Variants in PTPRT observed in about 807,000 individuals in gnomAD.
PTPRT encodes receptor-type tyrosine-protein phosphatase T.
A neutral mutation model predicts 176.8 loss-of-function variants in PTPRT; 56 were observed. The ratio of observed to expected loss-of-function variants is 0.32; its 90% CI spans 0.26 to 0.40. PTPRT has a LOEUF of 0.40. PTPRT is among the 10% of genes least tolerant of loss of function. PTPRT has a pLI of 1.00. For synonymous variants in PTPRT, 783 were observed against 739.0 expected, an observed-to-expected ratio of 1.06 and a Z score of -0.96; for missense variants, 1,540 against 1,908.2, an observed-to-expected ratio of 0.81 and a Z score of 3.60.
intron 7 of PTPRT, among the ~76,000 whole-genome samples, chr20:42,552,508 A>C (rs945277175): frequency 2.0e-5 from 3 of 152,320 alleles, no homozygotes; most frequent in Admixed American, 6.5e-5. Context: ...AGCAAACAAA[A>C]ATGACACCAC....
intron 9 of PTPRT, among the ~76,000 whole-genome samples, chr20:42,421,245 T>TACACACACACGCACGC (rs1454243345): frequency 6.8e-6 from 1 of 147,368 alleles, no homozygotes; most frequent in Non-Finnish European, 1.5e-5. Context: ...CCCCCTAACA[T>TACACACACACGCACGC]ACACACACAC....
intron 6 of PTPRT, among the ~76,000 whole-genome samples, chr20:42,745,603 G>T (rs1235725127): frequency 6.6e-6 from 1 of 152,144 alleles, no homozygotes; most frequent in African/African-American, 2.4e-5. Context: ...GATAAATTAG[G>T]CTCCAGTGAC....
chr20:42,852,455 A>AT (rs892613782), intron 2 of PTPRT, among the ~76,000 whole-genome samples: 36 of 151,576 alleles, frequency 2.4e-4, no homozygotes, highest in South Asian at 2.1e-4. Flanking sequence ...AAACCTGCTA[A>AT]TTTTTTTTTA....
intron 7 of PTPRT, among the ~76,000 whole-genome samples, chr20:42,506,078 C>A (rs1014181732): frequency 8.5e-5 from 13 of 152,094 alleles, no homozygotes; most frequent in Admixed American, 3.3e-4. Context: ...AAACCAGGCT[C>A]AATGGGAAGA....
chr20:42,550,998 G>C (rs951630815), intron 7 of PTPRT, among the ~76,000 whole-genome samples: 3 of 151,992 alleles, frequency 2.0e-5, no homozygotes, highest in Non-Finnish European at 4.4e-5. Flanking sequence ...TGTATAACTG[G>C]GTAATGTACT....
At chr20:42,642,157 A>G (rs565133124) in intron 7 of PTPRT, among the ~76,000 whole-genome samples, 2 of 152,292 alleles carry the variant, frequency 1.3e-5, no homozygotes, top group East Asian at 3.9e-4. Context: ...CAAGGCTGCC[A>G]CTAAGAAGAG....
At chr20:42,236,776 T>C (rs542688148) in intron 14 of PTPRT, among the ~76,000 whole-genome samples, 118 of 152,100 alleles carry the variant, frequency 7.8e-4, no homozygotes, top group African/African-American at 2.7e-3. Context: ...AGTAAGGTCA[T>C]ACCCAAAGCA....
intron 7 of PTPRT, among the ~76,000 whole-genome samples, chr20:42,594,315 A>G (rs2073631486): frequency 1.3e-5 from 2 of 152,172 alleles, no homozygotes; most frequent in South Asian, 4.1e-4. Context: ...AACAGACTCA[A>G]GACATGAAAA....
At chr20:42,730,354 T>C (rs962725518) in intron 6 of PTPRT, among the ~76,000 whole-genome samples, 1 of 152,110 alleles carries the variant, frequency 6.6e-6, no homozygotes, top group Non-Finnish European at 1.5e-5. Flanking sequence ...ACATAGCTGA[T>C]CAGCCATGGG....
At chr20:43,182,978 T>C (rs2015302424) in intron 1 of PTPRT, among the ~76,000 whole-genome samples, 1 of 152,192 alleles carries the variant, frequency 6.6e-6, no homozygotes, top group Non-Finnish European at 1.5e-5. Context: ...CACAAATCCA[T>C]ACCCTACCAA....
chr20:42,488,060 A>G (rs73273321), intron 7 of PTPRT, among the ~76,000 whole-genome samples: 1,722 of 152,254 alleles, frequency 0.011, 33 homozygotes, highest in African/African-American at 0.04. Context: ...ACATCCACCC[A>G]GGCTGCTGTG....
intron 7 of PTPRT, among the ~76,000 whole-genome samples, chr20:42,651,183 A>C (rs2075023692): frequency 6.6e-6 from 1 of 152,178 alleles, no homozygotes; most frequent in African/African-American, 2.4e-5. Flanking sequence ...GAAAAAGATA[A>C]ATGCCTTTAC....
intron 16 of PTPRT, among the ~76,000 whole-genome samples, chr20:42,173,641 T>C (rs1477214281): frequency 6.6e-6 from 1 of 152,100 alleles, no homozygotes; most frequent in African/African-American, 2.4e-5. Context: ...AGATGTTTAG[T>C]AGTGATAGGG....
In PTPRT at chr20:42,350,685, G is replaced by T; in HGVS notation, c.1808C>A (p.Thr603Lys). The change falls in exon 11 of 31, where the codon ACA becomes AAA. Residue 603 changes from threonine to lysine, a missense_variant. This residue lies in a region of PTPRT where 4 missense variants were observed against 19.5 expected (regional missense o/e 0.21). Transcript: ENST00000373187. ...CAGCATCACTGTGATGGTCGTGTCT[G>T]TCTCATTCAATGGGGTGTCTGTGTC... Reference protein sequence around the residue: ...EYDTDTPLNETDTTITVMLKP... With the variant: ...EYDTDTPLNEKDTTITVMLKP... The T allele has an allele frequency of 6.2e-7, 1 of 1,613,930 alleles. No homozygotes were observed. The highest frequency in any genetic ancestry group is 8.5e-7 in the Non-Finnish European group (1 of 1,179,798).
intron 2 of PTPRT, among the ~76,000 whole-genome samples, chr20:42,880,500 G>C (rs749696641): frequency 2.6e-5 from 4 of 152,144 alleles, no homozygotes; most frequent in Non-Finnish European, 4.4e-5. Context: ...ACTACCTCTG[G>C]CTTCAGCCCT....
At chr20:42,728,484 C>G (rs1029416602) in intron 6 of PTPRT, among the ~76,000 whole-genome samples, 2 of 152,166 alleles carry the variant, frequency 1.3e-5, no homozygotes, top group Non-Finnish European at 2.9e-5. Context: ...GAAACCCAGT[C>G]TCTGAAGCCA....
intron 1 of PTPRT, among the ~76,000 whole-genome samples, chr20:43,129,895 G>C (rs6103159): frequency 6.6e-6 from 1 of 152,128 alleles, no homozygotes. Context: ...TGGGATTACA[G>C]GCGTGAGCCA....
chr20:42,270,879 G>T (rs1275182404), intron 13 of PTPRT, among the ~76,000 whole-genome samples: 19 of 151,960 alleles, frequency 1.3e-4, no homozygotes, highest in Admixed American at 1.2e-3. Flanking sequence ...TTTTTCTGAT[G>T]TCCCTCTTAT....
intron 9 of PTPRT, among the ~76,000 whole-genome samples, chr20:42,396,623 G>A (rs1188072409): frequency 6.6e-6 from 1 of 152,198 alleles, no homozygotes; most frequent in African/African-American, 2.4e-5. Context: ...GTGCAGTGGT[G>A]TGATCCCAGC....
Sources: allele counts gnomAD v4.1 joint callset (sites outside exome capture counted in the v4.1 genomes callset), GRCh38; gene constraint gnomAD v4.1.1; regional missense constraint gnomAD v4.1.1; transcripts MANE v1.5; gene names NCBI Gene and HGNC (gene_info 2026-07-23, HGNC 2026-07-21).